KIRREL3: variants seen among roughly 807,000 people sequenced by gnomAD.
The protein encoded by KIRREL3 is kirre like nephrin family adhesion molecule 3.
KIRREL3 carries 36 observed loss-of-function variants against 89.7 expected under a neutral mutation model. The observed-to-expected ratio is 0.40, with a 90% CI of 0.31 to 0.53. The LOEUF (loss-of-function observed/expected upper bound fraction) is 0.53, where lower values mean the gene tolerates loss of function less well. Among genes scored for constraint, KIRREL3 ranks in the 20% least tolerant of loss-of-function variants. The pLI is 0.49. For missense variants in KIRREL3, 864 were observed against 1,056.6 expected, an observed-to-expected ratio of 0.82 and a Z score of 2.53; for synonymous variants, 445 against 441.4, an observed-to-expected ratio of 1.01 and a Z score of -0.10.
rs968168289 is a variant in KIRREL3, at chr11:126,890,101, T to C, written c.55+110354A>G. Among the ~76,000 whole-genome samples, 1 of 152,162 alleles carries C rather than the reference T, an allele frequency of 6.6e-6. No homozygotes were observed. Among genetic ancestry groups the C allele is most frequent in the Admixed American group, 6.5e-5 (1 of 15,282 alleles). ...CTTGTGTCCTTTCATTCTAGGGGGA[T>C]GGGTCAGTGCAATCTCTGTAGTTAA... is the stretch of plus-strand genomic sequence containing the variant. On this transcript the variant is annotated intron_variant, in intron 1 of 16. Coordinates refer to ENST00000525144, the MANE Select transcript of KIRREL3 (RefSeq NM_032531.4). This position sits in a 1 kb window ranked among gnomAD's most constrained non-coding sequence, Gnocchi z 5.1.
rs1384682824 is a variant in KIRREL3 at position 126,528,693 on chromosome 11, C to G, written c.134-2006G>C. ...TCTGTTGTAATTAGACTGTTTCTGGCACCAAAACAGGGTAGAAAAGGAGGG... is the reference window on the plus strand; with the variant it reads ...TCTGTTGTAATTAGACTGTTTCTGGGACCAAAACAGGGTAGAAAAGGAGGG... On this transcript the variant is annotated intron_variant, in intron 2 of 16. Transcript: ENST00000525144. The surrounding 1 kb of genome is among the most constrained non-coding windows in gnomAD (Gnocchi z 4.6). Among the ~76,000 whole-genome samples the G allele has an allele frequency of 1.3e-5, 2 of 151,130 alleles. No homozygotes were observed. The highest frequency in any genetic ancestry group is 4.9e-5 in the African/African-American group (2 of 40,988).
At chr11:126,457,808 C>G (rs963266614) in intron 6 of KIRREL3, among the ~76,000 whole-genome samples, 1 of 152,084 alleles carries the variant, frequency 6.6e-6, no homozygotes, top group African/African-American at 2.4e-5. Context: ...AGAGAAAGAC[C>G]AAGTCAAACA....
In KIRREL3 at chr11:126,812,049, G is replaced by T. The variant is rs1490388702; in HGVS notation, c.55+188406C>A. ...ATATGAGCAGGTTAAGGCACTTTTCGGGATTAGAGAATCTTCAAACTCAAT... is the reference window on the plus strand; with the variant it reads ...ATATGAGCAGGTTAAGGCACTTTTCTGGATTAGAGAATCTTCAAACTCAAT... On this transcript the variant is annotated intron_variant, in intron 1 of 16. Transcript: ENST00000525144. This position sits in a 1 kb window ranked among gnomAD's most constrained non-coding sequence, Gnocchi z 5.2. Among the ~76,000 whole-genome samples, 1 of 152,084 alleles carries T rather than the reference G, an allele frequency of 6.6e-6. No homozygotes were observed. Among genetic ancestry groups the T allele is most frequent in the Non-Finnish European group, 1.5e-5 (1 of 68,032 alleles).
intron 1 of KIRREL3, among the ~76,000 whole-genome samples, chr11:126,626,821 C>T (rs1700672008): frequency 6.6e-6 from 1 of 152,074 alleles, no homozygotes; most frequent in South Asian, 2.1e-4. Context: ...TGGCGAAACC[C>T]CATGTTTCAC....
chr11:126,809,850 C>T (rs1480932201), intron 1 of KIRREL3, among the ~76,000 whole-genome samples: 1 of 152,228 alleles, frequency 6.6e-6, no homozygotes, highest in Admixed American at 6.5e-5. Context: ...CCCTCCTTCC[C>T]TTCCCCACTC....
intron 2 of KIRREL3, among the ~76,000 whole-genome samples, chr11:126,536,120 A>G (rs932224714): frequency 3.3e-5 from 5 of 152,220 alleles, no homozygotes; most frequent in Admixed American, 6.5e-5. Flanking sequence ...TCAAAAAAAA[A>G]GATCTTGGTT....
At chr11:126,509,531 TC>T (rs985961528) in intron 4 of KIRREL3, among the ~76,000 whole-genome samples, 22 of 152,328 alleles carry the variant, frequency 1.4e-4, no homozygotes, top group African/African-American at 4.3e-4. Flanking sequence ...TTCCTTTTTT[TC>T]CCCAGCCATT....
chr11:126,658,049 C>G (rs1945235178), intron 1 of KIRREL3, among the ~76,000 whole-genome samples: 1 of 152,192 alleles, frequency 6.6e-6, no homozygotes. Flanking sequence ...CACAGCTCTC[C>G]CATTTCTGGA....
rs1489887735 is a variant in KIRREL3 at position 126,496,106 on chromosome 11, C to T, written c.434-22640G>A. Among the ~76,000 whole-genome samples, 3 of 152,192 alleles carry T rather than the reference C, an allele frequency of 2.0e-5. No homozygotes were observed. Among genetic ancestry groups the T allele is most frequent in the African/African-American group, 7.2e-5 (3 of 41,448 alleles). Reference sequence around the variant, plus strand: ...AGCTAAGCCAGGCTCAGTTTCTTGACCTGCAGAAACTGTGAGAGCTAAGAA... The same window carrying T: ...AGCTAAGCCAGGCTCAGTTTCTTGATCTGCAGAAACTGTGAGAGCTAAGAA... On this transcript the variant is annotated intron_variant, in intron 4 of 16. Transcript: ENST00000525144. The surrounding 1 kb of genome is among the most constrained non-coding windows in gnomAD (Gnocchi z 4.9).
rs1767474023 is a variant in KIRREL3 at position 126,687,211 on chromosome 11, A to G, written c.56-124299T>C. ...AACGTGCTGAGCCCTGCCTTGCGCC[A>G]GGCAGTGAGCTAGTCCTTATTTTCA... On this transcript the variant is annotated intron_variant, in intron 1 of 16. Coordinates refer to ENST00000525144, the MANE Select transcript of KIRREL3 (RefSeq NM_032531.4). The surrounding 1 kb of genome is among the most constrained non-coding windows in gnomAD (Gnocchi z 4.6). 1.3e-5 allele frequency among the ~76,000 whole-genome samples: 2 copies of G among 152,222 alleles called. No individual in the cohort carries two copies. The highest frequency in any genetic ancestry group is 4.8e-5 in the African/African-American group (2 of 41,458).
At chr11:126,451,302 ATG>A (rs1491548667) in intron 7 of KIRREL3, among the ~76,000 whole-genome samples, 43 of 111,176 alleles carry the variant, frequency 3.9e-4, no homozygotes, top group Admixed American at 3.0e-3. Context: ...GCATGTGTGC[ATG>A]TGTGTGCATG....
Position 126,655,212 on chromosome 11 carries a change from G to A in KIRREL3, c.56-92300C>T, listed in dbSNP as rs1945082645. 6.6e-6 allele frequency among the ~76,000 whole-genome samples: 1 copy of A among 152,242 alleles called. No individual in the cohort carries two copies. The highest frequency in any genetic ancestry group is 1.5e-5 in the Non-Finnish European group (1 of 68,044). On this transcript the variant is annotated intron_variant, in intron 1 of 16. Transcript: ENST00000525144. The surrounding 1 kb of genome is among the most constrained non-coding windows in gnomAD (Gnocchi z 5.0). ...GTAAGAAAGGAGATTAGTCACTTGA[G>A]TCAGGATAATTTTTCCTGATGTCAA...
Position 126,456,365 on chromosome 11 carries a change from C to G in KIRREL3, c.832G>C (p.Ala278Pro), listed in dbSNP as rs1453747381. ...GACTCTCACCTGTACTGGGTGACAG[C>G]TGGGTTGGCCTTTGCAGAGCAGTGG... ...TFHCSAKANPAVTQYRWAKRG... is the reference protein window; with the variant it reads ...TFHCSAKANPPVTQYRWAKRG... The change falls in exon 7 of 17, where the codon GCT (alanine) becomes CCT (proline). Residue 278 changes from alanine (A) to proline (P), a missense_variant. Coordinates refer to ENST00000525144, the MANE Select transcript of KIRREL3 (RefSeq NM_032531.4). The G allele has an allele frequency of 6.3e-7, 1 of 1,586,854 alleles. No homozygotes were observed. The highest frequency in any genetic ancestry group is 1.2e-5 in the South Asian group (1 of 86,300).
intron 2 of KIRREL3, among the ~76,000 whole-genome samples, chr11:126,554,379 C>T (rs1939540500): frequency 6.6e-6 from 1 of 152,146 alleles, no homozygotes; most frequent in Admixed American, 6.5e-5. Flanking sequence ...AGGAATTGCT[C>T]CATAGAAGTA....
intron 1 of KIRREL3, among the ~76,000 whole-genome samples, chr11:126,716,747 TTG>T (rs1947978519): frequency 2.4e-4 from 2 of 8,440 alleles, no homozygotes; most frequent in African/African-American, 1.1e-3. Context: ...TGTGTGTGTG[TTG>T]GGGGGGGGGG....
rs1334914727 is a variant in KIRREL3, at chr11:126,946,471, A to C, written c.55+53984T>G. ...TTTACACACAGTTGAAAAAGGACTA[A>C]TACAAATGCCCATAAAATCTACAGA... On this transcript the variant is annotated intron_variant, in intron 1 of 16. Coordinates refer to ENST00000525144, the MANE Select transcript of KIRREL3 (RefSeq NM_032531.4). The surrounding 1 kb of genome is among the most constrained non-coding windows in gnomAD (Gnocchi z 4.1). Among the ~76,000 whole-genome samples the C allele has an allele frequency of 6.6e-6, 1 of 152,252 alleles. No individual in the cohort carries two copies. Among genetic ancestry groups the C allele is most frequent in the East Asian group, 1.9e-4 (1 of 5,196 alleles).
intron 1 of KIRREL3, among the ~76,000 whole-genome samples, chr11:126,738,481 C>T (rs1027180924): frequency 9.9e-5 from 15 of 152,114 alleles, no homozygotes; most frequent in Non-Finnish European, 1.8e-4. Context: ...GTATGTGATG[C>T]GGGGTTTGCA....
intron 6 of KIRREL3, among the ~76,000 whole-genome samples, chr11:126,457,193 G>GTGTGTGTGTGTA (rs1555111650): frequency 3.4e-5 from 5 of 148,940 alleles, no homozygotes; most frequent in African/African-American, 1.2e-4. Context: ...TTATGTGTGT[G>GTGTGTGTGTGTA]TGTGTGTGTG....
At chr11:126,556,948 T>C (rs1023778956) in intron 2 of KIRREL3, among the ~76,000 whole-genome samples, 4 of 152,066 alleles carry the variant, frequency 2.6e-5, no homozygotes, top group African/African-American at 9.7e-5. Context: ...AAAATGAATT[T>C]AGAAAAAATG....
Sources: allele counts gnomAD v4.1 joint callset (sites outside exome capture counted in the v4.1 genomes callset), GRCh38; gene constraint gnomAD v4.1.1; non-coding constraint Gnocchi (gnomAD v3.1); transcripts MANE v1.5; gene names NCBI Gene and HGNC (gene_info 2026-07-23, HGNC 2026-07-21).